VPS13B: variants seen among roughly 807,000 people sequenced by gnomAD.
The protein encoded by VPS13B is vacuolar protein sorting 13 homolog B.
A neutral mutation model predicts 426.4 loss-of-function variants in VPS13B; 285 were observed. The ratio of observed to expected loss-of-function variants is 0.67; its 90% confidence interval spans 0.61 to 0.74. VPS13B has a LOEUF of 0.74. Ranked by LOEUF, VPS13B falls within the 30% of genes least tolerant of loss-of-function variation. VPS13B has a pLI of 0.00. For synonymous variants in VPS13B, 1,676 were observed against 1,676.4 expected (o/e 1.00, Z 0.01); for missense variants, 4,537 against 4,782.6 (o/e 0.95, Z 1.51).
At chr8:99,479,728 C>T (rs1563752819) in intron 24 of VPS13B, among the ~76,000 whole-genome samples, 1 of 152,124 alleles carries the variant, frequency 6.6e-6, no homozygotes. Context: ...TTGCATGCAT[C>T]AATAGTTTAT....
intron 19 of VPS13B, among the ~76,000 whole-genome samples, chr8:99,328,258 A>G (rs183826874): frequency 6.6e-6 from 1 of 152,264 alleles, no homozygotes; most frequent in East Asian, 1.9e-4. Flanking sequence ...TCCCTGAACC[A>G]AGTCCGTGGT....
chr8:99,365,994 G>A (rs1288825693), intron 19 of VPS13B, among the ~76,000 whole-genome samples: 1 of 150,802 alleles, frequency 6.6e-6, no homozygotes, highest in Admixed American at 6.6e-5. Flanking sequence ...AATGTTTTAA[G>A]ACTTGTTTTG....
chr8:99,451,825 A>C (rs1454599086), intron 23 of VPS13B, among the ~76,000 whole-genome samples: 1 of 152,218 alleles, frequency 6.6e-6, no homozygotes. Context: ...ATGTCCTACC[A>C]TAGGGAAGAG....
chr8:99,271,247 A>ACTACTACTG lies in VPS13B; in HGVS notation c.2516-2950_2516-2949insTACTACTGC, dbSNP rs144769424. Among the ~76,000 whole-genome samples the ACTACTACTG allele has an allele frequency of 4.7e-4, 70 of 148,770 alleles. 1 individual carries two copies. Among genetic ancestry groups the ACTACTACTG allele is most frequent in the Non-Finnish European group, 4.5e-4 (30 of 66,900 alleles). ...TACTACTACTACTACTACTACTACT[A>ACTACTACTG]CGATGATGATTGTATTAGCATTTTT... On this transcript the variant is annotated intron_variant, in intron 17 of 61. Coordinates refer to ENST00000357162, the MANE Select transcript of VPS13B (RefSeq NM_152564.5).
At chr8:99,703,667 G>T (rs574211973) in intron 36 of VPS13B, among the ~76,000 whole-genome samples, 2 of 152,050 alleles carry the variant, frequency 1.3e-5, no homozygotes, top group South Asian at 4.1e-4. Flanking sequence ...TATATACAAC[G>T]CAATCATTTT....
At chr8:99,356,953 T>C (rs1812215005) in intron 19 of VPS13B, among the ~76,000 whole-genome samples, 1 of 152,184 alleles carries the variant, frequency 6.6e-6, no homozygotes, top group South Asian at 2.1e-4. Context: ...TTTTTTTGCT[T>C]TCTGAAATAT....
intron 26 of VPS13B, among the ~76,000 whole-genome samples, chr8:99,502,537 A>C (rs1281075236): frequency 6.6e-6 from 1 of 152,108 alleles, no homozygotes; most frequent in Non-Finnish European, 1.5e-5. Context: ...ACCATGAGGA[A>C]TTTTCCTCAA....
At chr8:99,215,404 T>C (rs1815327934) in intron 17 of VPS13B, among the ~76,000 whole-genome samples, 1 of 152,210 alleles carries the variant, frequency 6.6e-6, no homozygotes, top group Non-Finnish European at 1.5e-5. Flanking sequence ...GTATGCATTC[T>C]TATCTGTGTC....
chr8:99,195,028 G>C (rs1813831624), intron 17 of VPS13B, among the ~76,000 whole-genome samples: 1 of 151,988 alleles, frequency 6.6e-6, no homozygotes, highest in African/African-American at 2.4e-5. Flanking sequence ...TGTATTTTTA[G>C]TAGAGACGGA....
chr8:99,371,870 A>C lies in VPS13B; in HGVS notation c.2825-12338A>C, dbSNP rs552094315. 3.5e-4 allele frequency among the ~76,000 whole-genome samples: 54 copies of C among 152,348 alleles called. 1 individual carries two copies. In the South Asian group the frequency reaches 0.011, roughly 31 times the overall value. ...TACACCTTATACAAAAATTAACTCA[A>C]GATGGATTAAAGACTTAGATGTAAA... On this transcript the variant is annotated intron_variant, in intron 19 of 61. Transcript: ENST00000357162.
At chr8:99,829,586 T>A (rs1814928120) in intron 51 of VPS13B, among the ~76,000 whole-genome samples, 1 of 152,196 alleles carries the variant, frequency 6.6e-6, no homozygotes, top group South Asian at 2.1e-4. Flanking sequence ...ACCTTCTGAA[T>A]CTACTTCTGT....
At chr8:99,149,398 A>T (rs1810930800) in intron 14 of VPS13B, among the ~76,000 whole-genome samples, 1 of 152,162 alleles carries the variant, frequency 6.6e-6, no homozygotes, top group Admixed American at 6.5e-5. Flanking sequence ...GTTCACTGCA[A>T]CCTATGCCTC....
chr8:99,644,682 A>C (rs1588582085), intron 34 of VPS13B, among the ~76,000 whole-genome samples: 1 of 152,168 alleles, frequency 6.6e-6, no homozygotes, highest in East Asian at 1.9e-4. Flanking sequence ...TTGAACATTT[A>C]TATTATCTCA....
chr8:99,872,405 G>A (rs1817470968), intron 61 of VPS13B, among the ~76,000 whole-genome samples: 2 of 152,184 alleles, frequency 1.3e-5, no homozygotes, highest in Non-Finnish European at 2.9e-5. Context: ...CCCTGGGGAT[G>A]ATACTTAAGG....
At chr8:99,424,881 G>C (rs780780387) in intron 21 of VPS13B, among the ~76,000 whole-genome samples, 1 of 151,892 alleles carries the variant, frequency 6.6e-6, no homozygotes, top group Non-Finnish European at 1.5e-5. Flanking sequence ...TGACAAAGGG[G>C]TATCACCACC....
intron 14 of VPS13B, among the ~76,000 whole-genome samples, chr8:99,155,454 C>CG (rs775492110): frequency 3.9e-5 from 6 of 152,126 alleles, no homozygotes; most frequent in Non-Finnish European, 8.8e-5. Flanking sequence ...GGGACAGTCT[C>CG]ATAGGGTGCT....
In VPS13B at chr8:99,797,530, T is replaced by C. The variant is rs1812911703; in HGVS notation, c.7942-11845T>C. Among the ~76,000 whole-genome samples, 4 of 152,318 alleles carry C rather than the reference T, an allele frequency of 2.6e-5. No homozygotes were observed. The South Asian group carries it at 8.3e-4, about 32-fold the overall frequency. Reference sequence around the variant, plus strand: ...GATACTTTTGTATATACTATTAATATACACAGAAAAGAGGCACTGATCTCA... The same window carrying C: ...GATACTTTTGTATATACTATTAATACACACAGAAAAGAGGCACTGATCTCA... On this transcript the variant is annotated intron_variant, in intron 43 of 61. Transcript: ENST00000357162.
At chr8:99,291,756 A>G (rs1436815109) in intron 19 of VPS13B, among the ~76,000 whole-genome samples, 5 of 152,138 alleles carry the variant, frequency 3.3e-5, no homozygotes, top group African/African-American at 1.2e-4. Flanking sequence ...CTTGAGTGAT[A>G]AAGGATTGCA....
At chr8:99,643,865 A>G (rs1262920205) in intron 34 of VPS13B, among the ~76,000 whole-genome samples, 2 of 152,224 alleles carry the variant, frequency 1.3e-5, no homozygotes, top group African/African-American at 4.8e-5. Flanking sequence ...CTTCAGGGGC[A>G]ATGAAAATGT....
Sources: allele counts gnomAD v4.1 joint callset (sites outside exome capture counted in the v4.1 genomes callset), GRCh38; gene constraint gnomAD v4.1.1; transcripts MANE v1.5; gene names NCBI Gene and HGNC (gene_info 2026-07-23, HGNC 2026-07-21).